Variants in TMEM132D observed in about 807,000 individuals in gnomAD.
TMEM132D encodes the protein transmembrane protein 132D.
TMEM132D carries 21 observed loss-of-function variants against 62.3 expected under a neutral mutation model. The ratio of observed to expected loss-of-function variants is 0.34; its 90% CI spans 0.24 to 0.49. TMEM132D has a LOEUF of 0.49. TMEM132D is among the 20% of genes least tolerant of loss of function. TMEM132D has a pLI of 0.99. For synonymous variants in TMEM132D, 621 were observed against 575.6 expected (o/e 1.08, Z -1.13); for missense variants, 1,346 against 1,402.8 (o/e 0.96, Z 0.65).
chr12:129,844,536 C>T (rs1873298294), intron 1 of TMEM132D, among the ~76,000 whole-genome samples: 1 of 152,206 alleles, frequency 6.6e-6, no homozygotes, highest in Non-Finnish European at 1.5e-5. Context: ...TTCATCTGAA[C>T]AGACAAAGCT....
intron 2 of TMEM132D, among the ~76,000 whole-genome samples, chr12:129,549,954 G>C (rs1876847749): frequency 6.6e-6 from 1 of 152,196 alleles, no homozygotes; most frequent in Non-Finnish European, 1.5e-5. Flanking sequence ...TCTTCAGGTT[G>C]CTTGTTACTG....
intron 3 of TMEM132D, among the ~76,000 whole-genome samples, chr12:129,426,927 G>T (rs1872517745): frequency 6.6e-6 from 1 of 152,242 alleles, no homozygotes; most frequent in South Asian, 2.1e-4. Flanking sequence ...GGTGGAATGT[G>T]CAGGCTAGCT....
intron 2 of TMEM132D, among the ~76,000 whole-genome samples, chr12:129,555,294 C>T (rs117478300): frequency 0.013 from 2,006 of 152,242 alleles, 23 homozygotes; most frequent in South Asian, 0.026. Flanking sequence ...GACTTGAATT[C>T]GAGAATACCC....
chr12:129,548,257 A>C, intron 2 of TMEM132D, among the ~76,000 whole-genome samples: 1 of 152,024 alleles, frequency 6.6e-6, no homozygotes, highest in Middle Eastern at 3.4e-3. Context: ...CACCTCCTTC[A>C]CTCGGTGCTG....
At chr12:129,083,777 G>A (rs748704013) in intron 6 of TMEM132D, among the ~76,000 whole-genome samples, 3 of 152,104 alleles carry the variant, frequency 2.0e-5, no homozygotes, top group Non-Finnish European at 4.4e-5. Context: ...TCTTATACAC[G>A]GTTTCTCTGA....
At chr12:129,552,654 A>G (rs577717585) in intron 2 of TMEM132D, among the ~76,000 whole-genome samples, 14 of 152,050 alleles carry the variant, frequency 9.2e-5, no homozygotes, top group Non-Finnish European at 2.1e-4. Flanking sequence ...CATAGCATCT[A>G]TCTACCTACT....
chr12:129,637,094 A>G lies in TMEM132D; in HGVS notation c.968+62716T>C, dbSNP rs265606. ...AGATGACTCACGTGTCGACAGTTTT[A>G]ACTGCTTTAGGTAAAATCTCCTACA... On this transcript the variant is annotated intron_variant, in intron 2 of 8. Coordinates refer to ENST00000422113, the MANE Select transcript of TMEM132D (RefSeq NM_133448.3). 3.8e-3 allele frequency among the ~76,000 whole-genome samples: 584 copies of G among 152,316 alleles called. 4 individuals carry two copies. Among genetic ancestry groups the G allele is most frequent in the African/African-American group, 0.013 (545 of 41,560 alleles).
chr12:129,390,875 C>G (rs80146423), intron 3 of TMEM132D, among the ~76,000 whole-genome samples: 13,247 of 152,170 alleles, frequency 0.087, 739 homozygotes, highest in African/African-American at 0.15. Flanking sequence ...TGGATGTAGG[C>G]TTCATAACTT....
chr12:129,700,348 T>C lies in TMEM132D; in HGVS notation c.430A>G (p.Lys144Glu), dbSNP rs1250457855. The change falls in exon 2 of 9, where the codon AAA becomes GAA. Residue 144 changes from lysine to glutamate, a missense_variant. By Grantham distance (56) the Lys-to-Glu change is moderately conservative. Coordinates refer to ENST00000422113, the MANE Select transcript of TMEM132D (RefSeq NM_133448.3). ...LRDKVYLSRP[K>E]VQVLFHIMGR... ...ATGATGTGGAACAGAACCTGCACTTTGGGCCGGCTCAGGTAGACTTTGTCC... is the reference window on the plus strand; with the variant it reads ...ATGATGTGGAACAGAACCTGCACTTCGGGCCGGCTCAGGTAGACTTTGTCC... 4 of 1,613,890 alleles carry C rather than the reference T, an allele frequency of 2.5e-6. No homozygotes were observed. Among genetic ancestry groups the C allele is most frequent in the Non-Finnish European group, 3.4e-6 (4 of 1,180,042 alleles).
rs1055254817 is a variant in TMEM132D, at chr12:129,454,572, T to A, written c.1115+76487A>T. On this transcript the variant is annotated intron_variant, in intron 3 of 8. Coordinates refer to ENST00000422113, the MANE Select transcript of TMEM132D (RefSeq NM_133448.3). Reference sequence around the variant, plus strand: ...TACTTTACAGGCAAGTGGACAATATTTTTAACAACATGCAAAACCAAATGG... The same window carrying A: ...TACTTTACAGGCAAGTGGACAATATATTTAACAACATGCAAAACCAAATGG... Among the ~76,000 whole-genome samples the A allele has an allele frequency of 5.3e-5, 8 of 152,312 alleles. No homozygotes were observed. The South Asian group carries it at 6.2e-4, about 12-fold the overall frequency.
chr12:129,846,837 T>C (rs1873378138), intron 1 of TMEM132D, among the ~76,000 whole-genome samples: 1 of 152,238 alleles, frequency 6.6e-6, no homozygotes, highest in African/African-American at 2.4e-5. Flanking sequence ...GCTAATCTTG[T>C]CATGTTTCCT....
chr12:129,483,537 T>C (rs537462152), intron 3 of TMEM132D, among the ~76,000 whole-genome samples: 37 of 152,376 alleles, frequency 2.4e-4, no homozygotes, highest in African/African-American at 8.9e-4. Flanking sequence ...GTTTTACTAT[T>C]AACCATACTT....
At chr12:129,538,860 T>G (rs11060416) in intron 2 of TMEM132D, among the ~76,000 whole-genome samples, 7,552 of 47,144 alleles carry the variant, frequency 0.16, 728 homozygotes, top group Non-Finnish European at 0.23. Flanking sequence ...TGGCTACTAG[T>G]GACCCCTGGC....
intron 1 of TMEM132D, among the ~76,000 whole-genome samples, chr12:129,773,092 C>G (rs56219496): frequency 1.3e-5 from 2 of 152,338 alleles, no homozygotes; most frequent in Non-Finnish European, 2.9e-5. Flanking sequence ...GCAGCCACTC[C>G]TGGGTATGCA....
intron 2 of TMEM132D, among the ~76,000 whole-genome samples, chr12:129,614,731 C>T (rs796263509): frequency 2.6e-5 from 4 of 152,286 alleles, no homozygotes; most frequent in African/African-American, 4.8e-5. Flanking sequence ...ACACACGCCC[C>T]GCCTAACCAC....
At chr12:129,404,441 C>T (rs1359573163) in intron 3 of TMEM132D, among the ~76,000 whole-genome samples, 3 of 152,204 alleles carry the variant, frequency 2.0e-5, no homozygotes, top group Admixed American at 1.3e-4. Context: ...AAGTGATTCA[C>T]CCGCCTCAGC....
chr12:129,307,992 G>T (rs563514171), intron 4 of TMEM132D, among the ~76,000 whole-genome samples: 2 of 152,122 alleles, frequency 1.3e-5, no homozygotes, highest in Admixed American at 1.3e-4. Flanking sequence ...TTGCATTCTG[G>T]CCACACTGGT....
chr12:129,224,270 G>A (rs1461664412), intron 4 of TMEM132D, among the ~76,000 whole-genome samples: 2 of 152,010 alleles, frequency 1.3e-5, no homozygotes, highest in Middle Eastern at 3.2e-3. Context: ...CACTGACCTT[G>A]CCATTTTCCC....
At chr12:129,321,399 T>A (rs1258320365) in intron 4 of TMEM132D, among the ~76,000 whole-genome samples, 3 of 152,106 alleles carry the variant, frequency 2.0e-5, no homozygotes, top group African/African-American at 7.2e-5. Flanking sequence ...GAAACATAGG[T>A]TTTTCGTCTT....
Sources: gnomAD v4.1 joint callset for allele counts (sites outside exome capture counted in the v4.1 genomes callset) on GRCh38, gnomAD v4.1.1 for gene constraint, MANE v1.5 for transcripts, NCBI Gene and HGNC (gene_info 2026-07-23, HGNC 2026-07-21) for gene names.